PHF19: variants seen among roughly 807,000 people sequenced by gnomAD.
PHF19 encodes polycomb like 3.
A neutral mutation model predicts 79.8 loss-of-function variants in PHF19; 21 were observed. The observed-to-expected ratio is 0.26, with a 90% CI of 0.19 to 0.38. The LOEUF (loss-of-function observed/expected upper bound fraction) is 0.38, where lower values mean the gene tolerates loss of function less well. Among genes scored for constraint, PHF19 ranks in the 10% least tolerant of loss-of-function variants. The pLI is 1.00. For missense variants in PHF19, 445 were observed against 744.2 expected, an observed-to-expected ratio of 0.60 and a Z score of 4.68; for synonymous variants, 273 against 296.3, an observed-to-expected ratio of 0.92 and a Z score of 0.81.
At chr9:120,876,199 C>T (rs945986875) in intron 1 of PHF19, 2 of 152,886 alleles carry the variant, frequency 1.3e-5, no homozygotes, top group African/African-American at 4.8e-5. Flanking sequence ...CTTCTCCACC[C>T]CCACTCCCAT....
At chr9:120,863,981 G>T in intron 10 of PHF19, 68 bp downstream of exon 10, 2 of 1,265,446 alleles carry the variant, frequency 1.6e-6, no homozygotes, top group Non-Finnish European at 2.3e-6. Flanking sequence ...CTGAGCAAAG[G>T]CTATGAGGTA....
chr9:120,862,428 G>A lies in PHF19; in HGVS notation c.1130+160C>T, dbSNP rs1405359004. Reference sequence around the variant, plus strand: ...TAATAAGGGGGCTGTGGTGGTGAAAGGAGTTGGGGATCTGGGATCTGGGAT... The same window carrying A: ...TAATAAGGGGGCTGTGGTGGTGAAAAGAGTTGGGGATCTGGGATCTGGGAT... On this transcript the variant is annotated intron_variant, in intron 11 of 14. Transcript: ENST00000373896. This position sits in a 1 kb window ranked among gnomAD's most constrained non-coding sequence, Gnocchi z 4.6. Among the ~76,000 whole-genome samples the A allele has an allele frequency of 6.6e-6, 1 of 152,218 alleles. No individual in the cohort carries two copies. The highest frequency in any genetic ancestry group is 1.5e-5 in the Non-Finnish European group (1 of 68,030).
At chr9:120,858,826 C>T (rs2045427137) in intron 14 of PHF19, among the ~76,000 whole-genome samples, 1 of 150,882 alleles carries the variant, frequency 6.6e-6, no homozygotes, top group African/African-American at 2.4e-5. Flanking sequence ...CACACACACA[C>T]ACACACACAC....
intron 1 of PHF19, among the ~76,000 whole-genome samples, chr9:120,882,895 A>G (rs149967634): frequency 2.0e-5 from 3 of 152,102 alleles, no homozygotes; most frequent in East Asian, 3.9e-4. Flanking sequence ...GGCTTTTCAC[A>G]AATATGAATA....
rs2045692074 is a variant in PHF19, at chr9:120,866,118, G to A, written c.711-22C>T. 4 of 1,592,688 alleles carry A rather than the reference G, an allele frequency of 2.5e-6. No individual in the cohort carries two copies. The highest frequency in any genetic ancestry group is 4.5e-5 in the East Asian group (2 of 44,806). ...AAACCTGTGGGTGGGTAGAGACGGG[G>A]GCCTATGGTGGGAGGGGCTCTGACA... is the stretch of plus-strand genomic sequence containing the variant. On this transcript the variant is annotated intron_variant, in intron 7 of 14. Coordinates refer to ENST00000373896, the MANE Select transcript of PHF19 (RefSeq NM_015651.3). This position sits in a 1 kb window ranked among gnomAD's most constrained non-coding sequence, Gnocchi z 5.2.
rs946901284 is a variant in PHF19, at chr9:120,891,089, C to G, written c.42+3699G>C. 6.6e-6 allele frequency among the ~76,000 whole-genome samples: 1 copy of G among 152,114 alleles called. No homozygotes were observed. Among genetic ancestry groups the G allele is most frequent in the Non-Finnish European group, 1.5e-5 (1 of 68,022 alleles). ...CATGTGGCTGGATGGTCCTTATTCC[C>G]AAAACTCACCCCAAGCCTCTCCTGC... On this transcript the variant is annotated intron_variant, in intron 1 of 14. Coordinates refer to the PHF19 transcript ENST00000616568. The surrounding 1 kb of genome is among the most constrained non-coding windows in gnomAD (Gnocchi z 4.3).
intron 1 of PHF19, among the ~76,000 whole-genome samples, chr9:120,884,461 G>A (rs2131587797): frequency 6.6e-6 from 1 of 152,304 alleles, no homozygotes; most frequent in South Asian, 2.1e-4. Flanking sequence ...CTCTTGCTGG[G>A]CATTTCATGA....
the PHF19 span, chr9:120,903,033 G>A: frequency 1.3e-5 from 2 of 152,134 alleles, no homozygotes; most frequent in African/African-American, 4.8e-5. Flanking sequence ...TCCCCCCTTG[G>A]GCTCAACACT....
chr9:120,866,371 T>C lies in PHF19; in HGVS notation c.711-275A>G, dbSNP rs2045702119. ...GCTGAGCTAGGCTGGGCTGCCATGG[T>C]CACCCTCTTCCCCTCTGAGACAGCC... On this transcript the variant is annotated intron_variant, in intron 7 of 14. Coordinates refer to ENST00000373896, the MANE Select transcript of PHF19 (RefSeq NM_015651.3). The surrounding 1 kb of genome is among the most constrained non-coding windows in gnomAD (Gnocchi z 5.2). Among the ~76,000 whole-genome samples the C allele has an allele frequency of 6.6e-6, 1 of 152,144 alleles. No individual in the cohort carries two copies. Among genetic ancestry groups the C allele is most frequent in the Non-Finnish European group, 1.5e-5 (1 of 68,012 alleles).
chr9:120,869,365 G>C lies in PHF19; in HGVS notation c.466-35C>G, dbSNP rs766777976. The C allele has an allele frequency of 1.3e-6, 2 of 1,599,888 alleles. No individual in the cohort carries two copies. The highest frequency in any genetic ancestry group is 8.5e-7 in the Non-Finnish European group (1 of 1,174,292). ...GACGAGGGCCCCAGTCAACCACCAGGTCCGGGTGGACCACGCGAGTCAGCA... is the reference window on the plus strand; with the variant it reads ...GACGAGGGCCCCAGTCAACCACCAGCTCCGGGTGGACCACGCGAGTCAGCA... On this transcript the variant is annotated intron_variant, in intron 5 of 14. Transcript: ENST00000373896. This position sits in a 1 kb window ranked among gnomAD's most constrained non-coding sequence, Gnocchi z 5.8.
upstream of PHF19, among the ~76,000 whole-genome samples, chr9:120,897,401 G>A (rs1221738748): frequency 6.6e-6 from 1 of 152,200 alleles, no homozygotes. Context: ...GGGTGTGTAT[G>A]GGGGATGATT....
chr9:120,874,182 A>G lies in PHF19; in HGVS notation c.187-122T>C. The G allele has an allele frequency of 1.5e-6, 1 of 648,802 alleles. No homozygotes were observed. Among genetic ancestry groups the G allele is most frequent in the South Asian group, 1.8e-5 (1 of 55,970 alleles). The allele number at this position is 648,802 out of a possible 1,614,324, so 40.2% of individuals were successfully genotyped here. A position where few individuals can be genotyped will look rare whatever the true frequency, so the allele number is the denominator to read the frequency against. On this transcript the variant is annotated intron_variant, in intron 2 of 14. Coordinates refer to ENST00000373896, the MANE Select transcript of PHF19 (RefSeq NM_015651.3). This position sits in a 1 kb window ranked among gnomAD's most constrained non-coding sequence, Gnocchi z 4.5. Reference sequence around the variant, plus strand: ...AGAAAGCAGGGCTAGAAGGGGAAGAAGGATGGCAGTTCCTGGACAGGGTGT... The same window carrying G: ...AGAAAGCAGGGCTAGAAGGGGAAGAGGGATGGCAGTTCCTGGACAGGGTGT...
intron 1 of PHF19, among the ~76,000 whole-genome samples, chr9:120,892,554 G>C (rs567434904): frequency 5.9e-5 from 9 of 152,270 alleles, no homozygotes; most frequent in South Asian, 4.1e-4. Context: ...ACACTGAATT[G>C]CGTGGGATCA....
At chr9:120,864,814 A>T (rs894649044) in intron 9 of PHF19, among the ~76,000 whole-genome samples, 1 of 152,228 alleles carries the variant, frequency 6.6e-6, no homozygotes, top group Admixed American at 6.5e-5. Flanking sequence ...AAAGATATAC[A>T]TAGAAGAGAG....
intron 1 of PHF19, among the ~76,000 whole-genome samples, chr9:120,893,706 T>TAC: frequency 6.6e-6 from 1 of 152,330 alleles, no homozygotes; most frequent in South Asian, 2.1e-4. Flanking sequence ...CTGAATGTAG[T>TAC]GTCTGGGGCT....
chr9:120,870,359 C>A lies in PHF19; in HGVS notation c.364+84G>T, dbSNP rs532789091. The A allele has an allele frequency of 6.0e-6, 5 of 829,332 alleles. No homozygotes were observed. Among genetic ancestry groups the A allele is most frequent in the East Asian group, 4.9e-5 (2 of 41,086 alleles). 51.4% of individuals were successfully genotyped at this position (829,332 alleles called of 1,614,324 possible). A position where few individuals can be genotyped will look rare whatever the true frequency, so the allele number is the denominator to read the frequency against. On this transcript the variant is annotated intron_variant, in intron 4 of 14. Transcript: ENST00000373896. The surrounding 1 kb of genome is among the most constrained non-coding windows in gnomAD (Gnocchi z 4.4). ...AACAGGAAGCCAGCTGAGGCCCCAA[C>A]AGGCTGCAGCAGTACCCGTCAGGGG...
intron 9 of PHF19, among the ~76,000 whole-genome samples, chr9:120,864,456 C>A (rs1354088004): frequency 6.6e-6 from 1 of 151,776 alleles, no homozygotes; most frequent in Non-Finnish European, 1.5e-5. Context: ...AAAATGGTGG[C>A]ATTGTTTCTA....
At chr9:120,892,979 T>G (rs1266307315) in intron 1 of PHF19, among the ~76,000 whole-genome samples, 1 of 152,198 alleles carries the variant, frequency 6.6e-6, no homozygotes, top group East Asian at 1.9e-4. Flanking sequence ...TCCTAGCGAC[T>G]GGGACCTTAG....
chr9:120,863,715 C>T (rs2045607767), intron 10 of PHF19, among the ~76,000 whole-genome samples: 1 of 152,154 alleles, frequency 6.6e-6, no homozygotes, highest in African/African-American at 2.4e-5. Context: ...ATGTCTTCCA[C>T]CCGAGGATGT....
Sources: allele counts gnomAD v4.1 joint callset (sites outside exome capture counted in the v4.1 genomes callset), GRCh38; gene constraint gnomAD v4.1.1; non-coding constraint Gnocchi (gnomAD v3.1); transcripts MANE v1.5; gene names NCBI Gene and HGNC (gene_info 2026-07-23, HGNC 2026-07-21).